MMP16: variants seen among roughly 807,000 people sequenced by gnomAD.
MMP16 encodes the protein matrix metalloproteinase-16.
MMP16 carries 12 observed loss-of-function variants against 67.8 expected under a neutral mutation model. The ratio of observed to expected loss-of-function variants is 0.18; its 90% CI spans 0.11 to 0.29. The LOEUF is 0.29. Among genes scored for constraint, MMP16 ranks in the 10% least tolerant of loss-of-function variants. MMP16 has a pLI of 1.00. For missense variants in MMP16, 475 were observed against 765.7 expected (o/e 0.62, Z 4.48); for synonymous variants, 249 against 255.9 (o/e 0.97, Z 0.26).
intron 1 of MMP16, among the ~76,000 whole-genome samples, chr8:88,202,804 T>C (rs895072126): frequency 3.3e-5 from 5 of 152,134 alleles, no homozygotes; most frequent in African/African-American, 1.2e-4. Flanking sequence ...ATCATTGACA[T>C]GATGCTACTT....
chr8:88,111,258 C>A (rs146403503), intron 6 of MMP16, among the ~76,000 whole-genome samples: 124 of 151,748 alleles, frequency 8.2e-4, no homozygotes, highest in African/African-American at 2.9e-3. Flanking sequence ...TATATATAAT[C>A]CATAGTTAAC....
chr8:88,214,920 G>A (rs1197685925), intron 1 of MMP16, among the ~76,000 whole-genome samples: 1 of 152,178 alleles, frequency 6.6e-6, no homozygotes, highest in Non-Finnish European at 1.5e-5. Context: ...CACAGAATAA[G>A]TGAGCCTCCT....
intron 8 of MMP16, among the ~76,000 whole-genome samples, chr8:88,052,910 A>G (rs1437469453): frequency 1.5e-4 from 23 of 152,022 alleles, no homozygotes; most frequent in Admixed American, 1.5e-3. Context: ...CAGGAGTCTC[A>G]TTTCTCACTG....
At chr8:88,222,929 T>A (rs1164535079) in intron 1 of MMP16, among the ~76,000 whole-genome samples, 1 of 152,022 alleles carries the variant, frequency 6.6e-6, no homozygotes, top group South Asian at 2.1e-4. Flanking sequence ...TGGGAGAAAA[T>A]TTTTGCAATC....
chr8:88,311,257 C>A (rs28907895), intron 1 of MMP16, among the ~76,000 whole-genome samples: 1 of 151,900 alleles, frequency 6.6e-6, no homozygotes, highest in Non-Finnish European at 1.5e-5. Context: ...TTTGATATAT[C>A]CAGGAGGTAA....
intron 7 of MMP16, among the ~76,000 whole-genome samples, chr8:88,070,061 T>C (rs936120709): frequency 3.3e-5 from 5 of 152,286 alleles, no homozygotes; most frequent in South Asian, 2.1e-4. Context: ...AGATTGTCTA[T>C]AAATACAGCA....
At chr8:88,256,906 A>C (rs1563575579) in intron 1 of MMP16, among the ~76,000 whole-genome samples, 2 of 152,176 alleles carry the variant, frequency 1.3e-5, no homozygotes, top group African/African-American at 4.8e-5. Flanking sequence ...TCTGAATATA[A>C]TGTTCAAGTT....
intron 1 of MMP16, among the ~76,000 whole-genome samples, chr8:88,305,078 T>G (rs1811192735): frequency 6.6e-6 from 1 of 152,006 alleles, no homozygotes; most frequent in South Asian, 2.1e-4. Flanking sequence ...ACACATAGGC[T>G]TGAAATAAAT....
chr8:88,163,204 TC>T (rs1411227266), intron 4 of MMP16, among the ~76,000 whole-genome samples: 2 of 152,010 alleles, frequency 1.3e-5, no homozygotes, highest in African/African-American at 4.8e-5. Flanking sequence ...CTCTCCAAGG[TC>T]AGCTTAAGTC....
chr8:88,171,349 C>CA (rs1808799871), intron 3 of MMP16, among the ~76,000 whole-genome samples: 1 of 151,992 alleles, frequency 6.6e-6, no homozygotes, highest in Admixed American at 6.6e-5. Flanking sequence ...TGAAAGATTA[C>CA]AAAAAAGAGA....
At chr8:88,166,217 TATCAAGGTGAAATTAAGA>T (rs1210847949) in intron 4 of MMP16, among the ~76,000 whole-genome samples, 2 of 152,056 alleles carry the variant, frequency 1.3e-5, no homozygotes, top group Non-Finnish European at 2.9e-5. Context: ...AGGGTTAACT[TATCAAGGTGAAATTAAGA>T]GTTTTATTAC....
At chr8:88,166,323 AATAAAAACTGGGG>A (rs1808709788) in intron 4 of MMP16, among the ~76,000 whole-genome samples, 1 of 152,084 alleles carries the variant, frequency 6.6e-6, no homozygotes, top group South Asian at 2.1e-4. Context: ...AAGTCTTCAC[AATAAAAACTGGGG>A]ATATGGCTAT....
chr8:88,253,647 C>A (rs1390060934), intron 1 of MMP16, among the ~76,000 whole-genome samples: 1 of 151,232 alleles, frequency 6.6e-6, no homozygotes, highest in Non-Finnish European at 1.5e-5. Context: ...CTTTGTACCT[C>A]GTAAAAACAC....
Position 88,327,085 on chromosome 8 carries a change from A to G in MMP16, c.122T>C (p.Phe41Ser), listed in dbSNP as rs1741342389. ...CCCTCGCACTCTTACCTCCACATTGAAATACTGCTCCGTTCCGCAGACTGT... is the reference window on the plus strand; with the variant it reads ...CCCTCGCACTCTTACCTCCACATTGGAATACTGCTCCGTTCCGCAGACTGT... ...CATVCGTEQY[F>S]NVEVWLQKYG... The change falls in exon 1 of 10, where the codon TTC becomes TCC. Residue 41 changes from phenylalanine (F) to serine (S), a missense_variant. Phe to Ser is a radical substitution (Grantham distance 155). This residue lies in a region of MMP16 where 170 missense variants were observed against 239.6 expected (regional missense o/e 0.71). Coordinates refer to ENST00000286614, the MANE Select transcript of MMP16 (RefSeq NM_005941.5). 1 of 1,613,894 alleles carries G rather than the reference A, an allele frequency of 6.2e-7. No homozygotes were observed. The highest frequency in any genetic ancestry group is 1.3e-5 in the African/African-American group (1 of 74,898).
chr8:88,189,192 AG>A lies in MMP16; in HGVS notation c.282-2595del, dbSNP rs56281518. Among the ~76,000 whole-genome samples, 674 of 152,318 alleles carry A rather than the reference AG, an allele frequency of 4.4e-3. 5 individuals are homozygous for A. Among genetic ancestry groups the A allele is most frequent in the Non-Finnish European group, 8.1e-3 (548 of 68,032 alleles). On this transcript the variant is annotated intron_variant, in intron 2 of 9. Transcript: ENST00000286614. ...TGGATTAGAAGATGAAGAAAAAAAG[AG>A]CCCCTTCCTTACTGAGCTCATAGCA...
intron 1 of MMP16, among the ~76,000 whole-genome samples, chr8:88,316,781 T>C (rs1488218800): frequency 1.3e-5 from 2 of 152,198 alleles, no homozygotes; most frequent in African/African-American, 4.8e-5. Context: ...CTGCCATAGA[T>C]AGTGATTCCT....
At chr8:88,195,042 G>C (rs1415773471) in intron 2 of MMP16, among the ~76,000 whole-genome samples, 1 of 151,980 alleles carries the variant, frequency 6.6e-6, no homozygotes, top group African/African-American at 2.4e-5. Flanking sequence ...CCCCCAAAAA[G>C]GCCTGTGTCC....
At chr8:88,295,657 T>C (rs538292913) in intron 1 of MMP16, among the ~76,000 whole-genome samples, 1 of 152,312 alleles carries the variant, frequency 6.6e-6, no homozygotes, top group Admixed American at 6.5e-5. Context: ...CTTTTTTTAA[T>C]GGCTGCTCAA....
intron 2 of MMP16, among the ~76,000 whole-genome samples, chr8:88,191,550 CAG>C (rs1809168925): frequency 6.6e-6 from 1 of 151,958 alleles, no homozygotes; most frequent in African/African-American, 2.4e-5. Flanking sequence ...TTATTTAAAA[CAG>C]GGATTTTTTT....
Sources: gnomAD v4.1 joint callset for allele counts (sites outside exome capture counted in the v4.1 genomes callset) on GRCh38, gnomAD v4.1.1 for gene constraint, gnomAD v4.1.1 regional missense constraint, MANE v1.5 for transcripts, NCBI Gene and HGNC (gene_info 2026-07-23, HGNC 2026-07-21) for gene names.